Variants in PTPN22 observed in about 807,000 individuals in gnomAD.
PTPN22 encodes tyrosine-protein phosphatase non-receptor type 22.
Under a neutral mutation model 103.3 loss-of-function variants are expected in PTPN22, and 85 were observed. The ratio of observed to expected loss-of-function variants is 0.82; its 90% CI spans 0.69 to 0.99. The LOEUF (loss-of-function observed/expected upper bound fraction) is 0.99, where lower values mean the gene tolerates loss of function less well. PTPN22 is among the 50% of genes least tolerant of loss of function. The probability of loss-of-function intolerance (pLI) is 0.00; values close to 1 mark genes in which losing one functional copy is unlikely to be tolerated. For missense variants in PTPN22, 865 were observed against 936.9 expected, an observed-to-expected ratio of 0.92 and a Z score of 1.00; for synonymous variants, 323 against 310.2, an observed-to-expected ratio of 1.04 and a Z score of -0.43.
Position 113,829,723 on chromosome 1 carries a change from G to C in PTPN22, c.2135-16C>G. The C allele has an allele frequency of 7.2e-7, 1 of 1,382,336 alleles. No individual in the cohort carries two copies. The highest frequency in any genetic ancestry group is 1.0e-6 in the Non-Finnish European group (1 of 998,392). 85.6% of individuals were successfully genotyped at this position (1,382,336 alleles called of 1,614,324 possible). The stretch of plus-strand genomic sequence containing the variant: ...GCCTGCATACCTTAAAAAAAAAAAA[G>C]GAGAAAAACATGTTCCATTGCATAC... On this transcript the variant is annotated splice_polypyrimidine_tract_variant and intron_variant, in intron 17 of 20. Transcript: ENST00000359785.
chr1:113,849,651 A>T (rs1664388554), intron 10 of PTPN22, among the ~76,000 whole-genome samples: 1 of 151,200 alleles, frequency 6.6e-6, no homozygotes, highest in Non-Finnish European at 1.5e-5. Context: ...GCAGTGATGC[A>T]ATCTCGGCTT....
chr1:113,821,184 GA>G (rs1661568311), intron 19 of PTPN22, among the ~76,000 whole-genome samples: 1 of 152,080 alleles, frequency 6.6e-6, no homozygotes, highest in Non-Finnish European at 1.5e-5. Context: ...CCTTCAGAAA[GA>G]AAACAAAATT....
chr1:113,856,705 T>C lies in PTPN22; in HGVS notation c.409-86A>G. 3.8e-6 allele frequency: 6 copies of C among 1,583,738 alleles called. No homozygotes were observed. In the South Asian group the frequency reaches 5.7e-5, roughly 15 times the overall value. On this transcript the variant is annotated intron_variant, in intron 5 of 20. Transcript: ENST00000359785. ...TCATTTGGAAGCAAATTCAGCTCTA[T>C]GTCCTTCACCTTAGGTTAGGTGCGT...
At chr1:113,859,842 T>C (rs1665408257) in intron 1 of PTPN22, among the ~76,000 whole-genome samples, 1 of 152,222 alleles carries the variant, frequency 6.6e-6, no homozygotes, top group South Asian at 2.1e-4. Context: ...ATAATTAAGT[T>C]CTATTAGTCT....
intron 13 of PTPN22, 99 bp from the exon 14 acceptor site, chr1:113,835,092 T>G: frequency 1.5e-6 from 1 of 648,812 alleles, no homozygotes; most frequent in Non-Finnish European, 2.3e-6. Context: ...CCATAATTTA[T>G]ATTTAAATTC....
chr1:113,850,259 AGG>A (rs1435428024), intron 10 of PTPN22, among the ~76,000 whole-genome samples: 13 of 151,470 alleles, frequency 8.6e-5, no homozygotes, highest in African/African-American at 2.7e-4. Flanking sequence ...GAAGGAAGGA[AGG>A]AAGGAAGGAA....
exon 11 of PTPN22, chr1:113,848,561 T>C (rs1222065668): frequency 6.2e-7 from 1 of 1,613,602 alleles, no homozygotes; most frequent in Non-Finnish European, 8.5e-7. Context: ...AATGTTTATC[T>C]CTGATAACAT....
intron 11 of PTPN22, among the ~76,000 whole-genome samples, chr1:113,848,052 T>C (rs1224270310): frequency 6.6e-6 from 1 of 151,978 alleles, no homozygotes; most frequent in Non-Finnish European, 1.5e-5. Context: ...TATTTTTAAA[T>C]TTTTATTTCT....
chr1:113,813,913 A>G (rs964177668), exon 21 of PTPN22: 1 of 152,390 alleles, frequency 6.6e-6, no homozygotes, highest in East Asian at 1.9e-4. Context: ...GGACTTCCAA[A>G]TGAAAAATAC....
At chr1:113,870,502 G>A (rs1400424016) in intron 1 of PTPN22, among the ~76,000 whole-genome samples, 1 of 152,134 alleles carries the variant, frequency 6.6e-6, no homozygotes, top group Non-Finnish European at 1.5e-5. Flanking sequence ...CTACCCAGCT[G>A]CCATTGCATC....
At chr1:113,833,068 A>G in intron 16 of PTPN22, 43 bp downstream of exon 16, 3 of 1,527,978 alleles carry the variant, frequency 2.0e-6, no homozygotes, top group African/African-American at 2.8e-5. Context: ...CATTCTTCCA[A>G]TCTTAGGGCT....
At chr1:113,820,748 T>C (rs1020077949) in intron 19 of PTPN22, among the ~76,000 whole-genome samples, 1 of 152,108 alleles carries the variant, frequency 6.6e-6, no homozygotes, top group African/African-American at 2.4e-5. Flanking sequence ...GGGAAGATAT[T>C]AAGTGTTTTT....
intron 9 of PTPN22, among the ~76,000 whole-genome samples, chr1:113,853,113 T>A (rs1031152832): frequency 6.6e-6 from 1 of 151,772 alleles, no homozygotes; most frequent in African/African-American, 2.4e-5. Flanking sequence ...TAATTTTGTA[T>A]TTTTAGTTGA....
chr1:113,848,397 G>A (rs1255977243), intron 11 of PTPN22, 143 bp downstream of exon 11: 15 of 1,153,166 alleles, frequency 1.3e-5, no homozygotes. Flanking sequence ...ATTTTCCACA[G>A]GAAATTTTCA....
At chr1:113,868,358 C>T (rs17031955) in intron 1 of PTPN22, among the ~76,000 whole-genome samples, 3,999 of 152,216 alleles carry the variant, frequency 0.026, 73 homozygotes, top group Non-Finnish European at 0.04. Context: ...CAGAATGAGT[C>T]CTCAAACCTC....
At chr1:113,814,745 C>T in exon 21 of PTPN22, 1 of 620,708 alleles carries the variant, frequency 1.6e-6, no homozygotes, top group Non-Finnish European at 2.8e-6. Flanking sequence ...AAAACTGGCA[C>T]TTATTGGCAT....
chr1:113,858,911 T>A (rs921151220), intron 3 of PTPN22, 91 bp downstream of exon 3: 14 of 1,513,710 alleles, frequency 9.2e-6, no homozygotes, highest in Non-Finnish European at 1.2e-5. Flanking sequence ...AGTGCTGGGA[T>A]TACAGGCATG....
chr1:113,820,861 C>A (rs1661536565), intron 19 of PTPN22, among the ~76,000 whole-genome samples: 1 of 152,008 alleles, frequency 6.6e-6, no homozygotes, highest in Admixed American at 6.6e-5. Context: ...CTAGAAACAC[C>A]TTCCTTTTCG....
intron 3 of PTPN22, 138 bp downstream of exon 3, chr1:113,858,864 C>G: frequency 7.1e-7 from 1 of 1,400,634 alleles, no homozygotes; most frequent in East Asian, 2.5e-5. Flanking sequence ...GTCTGAAATT[C>G]TTGCGTTCAA....
Sources: gnomAD v4.1 joint callset for allele counts (sites outside exome capture counted in the v4.1 genomes callset) on GRCh38, gnomAD v4.1.1 for gene constraint, MANE v1.5 for transcripts, NCBI Gene and HGNC (gene_info 2026-07-23, HGNC 2026-07-21) for gene names.